Variants in PHF24 observed in about 807,000 individuals in gnomAD.
The protein encoded by PHF24 is Galpha inhibitory interacting protein.
A neutral mutation model predicts 42.6 loss-of-function variants in PHF24; 25 were observed. The observed-to-expected ratio is 0.59, with a 90% confidence interval of 0.43 to 0.82. The LOEUF is 0.82. PHF24 is among the 40% of genes least tolerant of loss of function. The pLI, the probability that PHF24 is intolerant of heterozygous loss-of-function variation, is 0.00. For synonymous variants in PHF24, 185 were observed against 204.8 expected (o/e 0.90, Z 0.83); for missense variants, 470 against 538.1 (o/e 0.87, Z 1.25).
the PHF24 span, among the ~76,000 whole-genome samples, chr9:34,682,902 A>G: frequency 1.3e-3 from 205 of 152,338 alleles, 1 homozygote; most frequent in African/African-American, 4.7e-3. Context: ...CAGAGGTGGC[A>G]TCTGGCAGGC....
the PHF24 span, chr9:34,889,191 G>A: frequency 2.5e-6 from 1 of 398,470 alleles, no homozygotes; most frequent in African/African-American, 2.1e-5. Context: ...CCTTTTTCTT[G>A]TGATGGGTAT....
chr9:34,726,779 T>A, the PHF24 span: 1 of 1,551,662 alleles, frequency 6.4e-7, no homozygotes, highest in Non-Finnish European at 8.7e-7. Context: ...GGAATGAAAC[T>A]CCAGACTCTG....
the PHF24 span, among the ~76,000 whole-genome samples, chr9:34,777,742 A>T: frequency 0.99 from 150,651 of 152,340 alleles, 74,510 homozygotes; most frequent in Middle Eastern, 1. Flanking sequence ...ATGCTTCTCT[A>T]GTGCCTCAGA....
the PHF24 span, among the ~76,000 whole-genome samples, chr9:34,762,537 TG>T: frequency 6.9e-6 from 1 of 145,302 alleles, no homozygotes; most frequent in Non-Finnish European, 1.5e-5. Flanking sequence ...CACTTTTTGA[TG>T]GGGTTGTTTG....
chr9:34,697,201 C>A, the PHF24 span, among the ~76,000 whole-genome samples: 1 of 152,170 alleles, frequency 6.6e-6, no homozygotes, highest in African/African-American at 2.4e-5. Context: ...ACCTCGCTGG[C>A]CTGTTGTAGA....
the PHF24 span, among the ~76,000 whole-genome samples, chr9:34,893,880 A>G: frequency 6.6e-6 from 1 of 152,192 alleles, no homozygotes; most frequent in Admixed American, 6.5e-5. Context: ...TTGGGCTTGA[A>G]GTTCATGTAG....
chr9:34,690,242 G>A, the PHF24 span: 5 of 1,614,052 alleles, frequency 3.1e-6, no homozygotes, highest in African/African-American at 6.7e-5. Context: ...CATCCTTGAT[G>A]AGAAGGTAGT....
At chr9:34,791,539 G>A in the PHF24 span, among the ~76,000 whole-genome samples, 136,989 of 151,550 alleles carry the variant, frequency 0.9, 62,815 homozygotes, top group Non-Finnish European at 0.99. Flanking sequence ...AGTATTGAAA[G>A]TCATGGGAAT....
the PHF24 span, among the ~76,000 whole-genome samples, chr9:34,910,306 T>C: frequency 6.6e-6 from 1 of 152,170 alleles, no homozygotes; most frequent in Admixed American, 6.5e-5. Flanking sequence ...CCCTCCTTTT[T>C]TCCCCTCTCT....
the PHF24 span, among the ~76,000 whole-genome samples, chr9:34,734,352 C>T: frequency 6.6e-6 from 1 of 152,318 alleles, no homozygotes; most frequent in East Asian, 1.9e-4. Context: ...AATTCACACT[C>T]ACTTGCAGGG....
the PHF24 span, among the ~76,000 whole-genome samples, chr9:34,780,475 G>A: frequency 2.3e-3 from 355 of 151,324 alleles, no homozygotes; most frequent in African/African-American, 8.3e-3. Context: ...TGTAGAGAAG[G>A]GGTTTCACCA....
chr9:34,837,493 G>C, the PHF24 span: 1 of 587,374 alleles, frequency 1.7e-6, no homozygotes, highest in Non-Finnish European at 3.1e-6. Flanking sequence ...ATTTTGGAAC[G>C]TTTCCAAGGT....
chr9:34,724,037 C>A, the PHF24 span: 1 of 1,533,064 alleles, frequency 6.5e-7, no homozygotes, highest in East Asian at 2.5e-5. Context: ...TGAGGAGCGC[C>A]CAAACCCCGC....
At chr9:34,665,645 C>T in the PHF24 span, 1 of 701,236 alleles carries the variant, frequency 1.4e-6, no homozygotes. Context: ...CCTCGTATCT[C>T]CTCATTCCCG....
chr9:34,976,820 C>G (rs1253129624), intron 5 of PHF24, 80 bp downstream of exon 5: 2 of 1,253,086 alleles, frequency 1.6e-6, no homozygotes, highest in African/African-American at 1.5e-5. Flanking sequence ...ATTGGGGGAG[C>G]ACTGGGTCCT....
the PHF24 span, chr9:34,835,856 A>G: frequency 8.1e-7 from 1 of 1,232,224 alleles, no homozygotes; most frequent in South Asian, 1.3e-5. Context: ...CTCTGCTCAA[A>G]GGATACACTA....
chr9:34,744,498 A>T, the PHF24 span, among the ~76,000 whole-genome samples: 1 of 152,224 alleles, frequency 6.6e-6, no homozygotes, highest in South Asian at 2.1e-4. Flanking sequence ...TCTGATGAGG[A>T]GGTGAATCAC....
At chr9:34,931,359 G>A in the PHF24 span, among the ~76,000 whole-genome samples, 1 of 113,118 alleles carries the variant, frequency 8.8e-6, no homozygotes, top group Non-Finnish European at 1.7e-5. Flanking sequence ...CTGGGCAACA[G>A]AGCAAGACTC....
At chr9:34,668,637 C>G in the PHF24 span, among the ~76,000 whole-genome samples, 4 of 152,212 alleles carry the variant, frequency 2.6e-5, no homozygotes, top group African/African-American at 9.7e-5. Flanking sequence ...GGAATTGTGT[C>G]AGGCAAACCT....
Sources: gnomAD v4.1 joint callset for allele counts (sites outside exome capture counted in the v4.1 genomes callset) on GRCh38, gnomAD v4.1.1 for gene constraint, MANE v1.5 for transcripts, NCBI Gene and HGNC (gene_info 2026-07-23, HGNC 2026-07-21) for gene names.